Variants in UNC5C observed in about 807,000 individuals in gnomAD.
UNC5C encodes unc-5 netrin receptor C, also known as netrin receptor UNC5C.
A neutral mutation model predicts 99.8 loss-of-function variants in UNC5C; 47 were observed. That is an observed-to-expected ratio of 0.47 (90% confidence interval 0.37 to 0.60). UNC5C has a LOEUF of 0.60. UNC5C is among the 20% of genes least tolerant of loss of function. UNC5C has a pLI of 0.00. For synonymous variants in UNC5C, 487 were observed against 452.2 expected, an observed-to-expected ratio of 1.08 and a Z score of -0.98; for missense variants, 1,062 against 1,165.9, an observed-to-expected ratio of 0.91 and a Z score of 1.30.
Position 95,442,805 on chromosome 4 carries a change from T to C in UNC5C, c.124+105929A>G, listed in dbSNP as rs545855223. Among the ~76,000 whole-genome samples, 3 of 139,570 alleles carry C rather than the reference T, an allele frequency of 2.1e-5. No individual in the cohort carries two copies. In the East Asian group the frequency reaches 6.1e-4, roughly 29 times the overall value. The allele number at this position is 139,570 out of a possible 152,430, so 91.6% of individuals were successfully genotyped here. On this transcript the variant is annotated intron_variant, in intron 1 of 15. Transcript: ENST00000453304. ...TCTTTCCTAAAAGTCCATGCATGAG[T>C]GTGTGCGCCAATACACACACACACA...
chr4:95,496,723 T>C (rs1721641622), intron 1 of UNC5C, among the ~76,000 whole-genome samples: 1 of 151,844 alleles, frequency 6.6e-6, no homozygotes, highest in South Asian at 2.1e-4. Flanking sequence ...GAGGTACAGG[T>C]GGTTCTTGGT....
At chr4:95,505,214 C>T (rs1479554774) in intron 1 of UNC5C, among the ~76,000 whole-genome samples, 3 of 152,024 alleles carry the variant, frequency 2.0e-5, no homozygotes, top group Non-Finnish European at 4.4e-5. Flanking sequence ...CTTACGGCCT[C>T]CAAAGTGTAA....
chr4:95,374,721 G>A (rs2149439912), intron 1 of UNC5C, among the ~76,000 whole-genome samples: 1 of 152,256 alleles, frequency 6.6e-6, no homozygotes, highest in South Asian at 2.1e-4. Flanking sequence ...GGAGAGGGAG[G>A]CCCAGGGTGG....
At chr4:95,186,376 C>T (rs535243480) in intron 12 of UNC5C, among the ~76,000 whole-genome samples, 16 of 152,094 alleles carry the variant, frequency 1.1e-4, no homozygotes, top group Admixed American at 2.0e-4. Context: ...ACAGGTGGGT[C>T]GCAGTGGAGG....
intron 4 of UNC5C, among the ~76,000 whole-genome samples, chr4:95,251,890 A>G (rs1186853324): frequency 6.6e-6 from 1 of 152,244 alleles, no homozygotes; most frequent in African/African-American, 2.4e-5. Context: ...AAAAATAAAA[A>G]TCAACAACAA....
In UNC5C at chr4:95,170,240, G is replaced by T; in HGVS notation, c.2544C>A (p.Ile848=). The change falls in exon 15 of 16, where the codon ATC becomes ATA. Residue 848 remains isoleucine, a synonymous_variant. Coordinates refer to ENST00000453304, the MANE Select transcript of UNC5C (RefSeq NM_003728.4). ...GPSAFSIPLP[I]RQKLCSSLDA... is the part of the protein sequence containing the mutation. ...CCAGGCTGCTACAGAGCTTCTGCCG[G>T]ATAGGGAGAGGGATGCTGAAAGCAC... 1 of 1,614,126 alleles carries T rather than the reference G, an allele frequency of 6.2e-7. No individual in the cohort carries two copies. The highest frequency in any genetic ancestry group is 8.5e-7 in the Non-Finnish European group (1 of 1,180,018).
intron 12 of UNC5C, among the ~76,000 whole-genome samples, chr4:95,199,177 G>A (rs12506780): frequency 0.016 from 2,497 of 152,230 alleles, 30 homozygotes; most frequent in Middle Eastern, 0.048. Context: ...GGGCAACAGT[G>A]GTTAGAGAAG....
At chr4:95,482,166 AAAAC>A (rs1403511370) in intron 1 of UNC5C, among the ~76,000 whole-genome samples, 4 of 152,044 alleles carry the variant, frequency 2.6e-5, no homozygotes, top group Admixed American at 6.6e-5. Context: ...TTACAAGAAA[AAAAC>A]AAACAAACCC....
chr4:95,387,858 TG>T (rs1437627771), intron 1 of UNC5C, among the ~76,000 whole-genome samples: 2 of 152,198 alleles, frequency 1.3e-5, no homozygotes, highest in African/African-American at 2.4e-5. Context: ...AATGATTGAC[TG>T]CTCCCCAAAA....
At chr4:95,201,798 G>C (rs1182206431) in intron 12 of UNC5C, among the ~76,000 whole-genome samples, 1 of 152,038 alleles carries the variant, frequency 6.6e-6, no homozygotes, top group South Asian at 2.1e-4. Context: ...TAGAGACGGG[G>C]TTTCACCGTG....
chr4:95,288,879 A>G (rs1012432822), intron 3 of UNC5C, among the ~76,000 whole-genome samples: 1 of 148,026 alleles, frequency 6.8e-6, no homozygotes, highest in Non-Finnish European at 1.5e-5. Flanking sequence ...ATTCTTAACC[A>G]AATCTGCAAA....
At position 95,489,110 on chromosome 4, in the gene UNC5C, G is replaced by A. The variant is rs533904779; in HGVS notation, c.124+59624C>T. 3.1e-3 allele frequency among the ~76,000 whole-genome samples: 458 copies of A among 149,362 alleles called. 7 individuals carry two copies. Among genetic ancestry groups the A allele is most frequent in the Middle Eastern group, 0.014 (4 of 292 alleles). ...GAGAGGGAGGCAGGAAAGGGGGAGG[G>A]GGAGAGGAGGAGGGAGGGAGGAGGG... is the stretch of plus-strand genomic sequence containing the variant. On this transcript the variant is annotated intron_variant, in intron 1 of 15. Transcript: ENST00000453304.
At chr4:95,456,012 A>G (rs1747415503) in intron 1 of UNC5C, among the ~76,000 whole-genome samples, 1 of 152,132 alleles carries the variant, frequency 6.6e-6, no homozygotes, top group African/African-American at 2.4e-5. Flanking sequence ...TGATATGCCA[A>G]AGAAATGACT....
intron 1 of UNC5C, among the ~76,000 whole-genome samples, chr4:95,538,458 C>T (rs1374756486): frequency 6.6e-6 from 1 of 152,180 alleles, no homozygotes; most frequent in South Asian, 2.1e-4. Context: ...ATCTTTAAGA[C>T]CCTCTTTTTA....
At chr4:95,345,476 CAGACTT>C (rs1290082133) in intron 1 of UNC5C, among the ~76,000 whole-genome samples, 1 of 151,944 alleles carries the variant, frequency 6.6e-6, no homozygotes, top group African/African-American at 2.4e-5. Context: ...AAAGAAACAT[CAGACTT>C]AATCTAAACT....
intron 3 of UNC5C, among the ~76,000 whole-genome samples, chr4:95,295,125 G>T (rs371209575): frequency 1.3e-5 from 2 of 152,188 alleles, no homozygotes; most frequent in Non-Finnish European, 2.9e-5. Context: ...AACCCAAATT[G>T]TTCCTGAGGA....
At chr4:95,429,103 G>A (rs1329756267) in intron 1 of UNC5C, among the ~76,000 whole-genome samples, 1 of 152,052 alleles carries the variant, frequency 6.6e-6, no homozygotes, top group Non-Finnish European at 1.5e-5. Flanking sequence ...TCACTACTCA[G>A]TAGACCAAAT....
At chr4:95,246,482 G>GCCC (rs1412907120) in intron 5 of UNC5C, among the ~76,000 whole-genome samples, 9 of 151,936 alleles carry the variant, frequency 5.9e-5, no homozygotes, top group Non-Finnish European at 1.3e-4. Context: ...GATCCCTTGA[G>GCCC]CCCAGGAGTA....
intron 1 of UNC5C, among the ~76,000 whole-genome samples, chr4:95,393,900 C>T (rs559962036): frequency 2.9e-4 from 42 of 147,360 alleles, no homozygotes; most frequent in African/African-American, 9.5e-4. Context: ...CTCCTTTAGA[C>T]ACAAAGCCTA....
Sources: allele counts gnomAD v4.1 joint callset (sites outside exome capture counted in the v4.1 genomes callset), GRCh38; gene constraint gnomAD v4.1.1; transcripts MANE v1.5; gene names NCBI Gene and HGNC (gene_info 2026-07-23, HGNC 2026-07-21).